SLC35E2B: variants seen among roughly 807,000 people sequenced by gnomAD.
The protein encoded by SLC35E2B is solute carrier family 35, member E2B.
Under a neutral mutation model 32.4 loss-of-function variants are expected in SLC35E2B, and 18 were observed. The observed-to-expected ratio is 0.56, with a 90% CI of 0.38 to 0.82. The LOEUF (loss-of-function observed/expected upper bound fraction) is 0.82. SLC35E2B is among the 40% of genes least tolerant of loss of function. The pLI is 0.00. For missense variants in SLC35E2B, 263 were observed against 469.5 expected, an observed-to-expected ratio of 0.56 and a Z score of 4.06; for synonymous variants, 132 against 209.1, an observed-to-expected ratio of 0.63 and a Z score of 3.18.
Position 1,671,611 on chromosome 1 carries a change from G to A in SLC35E2B, c.605C>T (p.Ser202Phe). 1 of 1,547,092 alleles carries A rather than the reference G, an allele frequency of 6.5e-7. No individual in the cohort carries two copies. Among genetic ancestry groups the A allele is most frequent in the Non-Finnish European group, 8.7e-7 (1 of 1,145,068 alleles). The change falls in exon 6 of 10, where the codon TCC (serine) becomes TTC (phenylalanine). Residue 202 changes from serine to phenylalanine, a missense_variant. Physicochemically the swap from Ser to Phe is radical, Grantham distance 155. Around this residue, in one of 7 missense-constraint regions of SLC35E2B, gnomAD observed 129 missense variants for 164.5 expected, o/e 0.78. Coordinates refer to ENST00000617444, the MANE Select transcript of SLC35E2B (RefSeq NM_001290264.2). ...CAGCCCGCCCATGACTGGGATGAGG[G>A]AGAGGTTGACCAGCAGCCCTGGCGA... ...GEYTGLLVNLSLIPVMGGLAL... is the reference protein window; with the variant it reads ...GEYTGLLVNLFLIPVMGGLAL...
chr1:1,666,043 A>C, intron 9 of SLC35E2B, 24 bp from the exon 10 acceptor site: 2 of 1,542,002 alleles, frequency 1.3e-6, no homozygotes, highest in Non-Finnish European at 1.8e-6. Flanking sequence ...GGGAGGCAGC[A>C]GGGGCGCTCA....
At chr1:1,682,298 T>C (rs576843574) in intron 2 of SLC35E2B, among the ~76,000 whole-genome samples, 4 of 152,224 alleles carry the variant, frequency 2.6e-5, no homozygotes, top group South Asian at 4.1e-4. Flanking sequence ...CACCTTCTCA[T>C]AGAAGTCTTG....
intron 2 of SLC35E2B, among the ~76,000 whole-genome samples, chr1:1,689,197 G>A (rs1643991339): frequency 6.6e-6 from 1 of 152,096 alleles, no homozygotes; most frequent in African/African-American, 2.4e-5. Context: ...CAGGTCTGGT[G>A]TACCCAGAAT....
Position 1,664,901 on chromosome 1 carries a change from C to G in SLC35E2B, c.*881G>C. On this transcript the variant is annotated 3_prime_UTR_variant, in exon 10 of 10. Coordinates refer to ENST00000617444, the MANE Select transcript of SLC35E2B (RefSeq NM_001290264.2). ...AGGGAGGACAGACAGGCTCACCCCA[C>G]GGGGACCTCAGAACAGCCTGCCTCA... 1.1e-6 allele frequency: 1 copy of G among 939,130 alleles called. No individual in the cohort carries two copies. The highest frequency in any genetic ancestry group is 1.3e-6 in the Non-Finnish European group (1 of 790,726). The allele number at this position is 939,130 out of a possible 1,614,324, so 58.2% of individuals were successfully genotyped here.
chr1:1,665,505 A>G lies in SLC35E2B; in HGVS notation c.*277T>C, dbSNP rs1643518376. The G allele has an allele frequency of 1.7e-6, 1 of 575,146 alleles. No individual in the cohort carries two copies. 35.6% of individuals were successfully genotyped at this position (575,146 alleles called of 1,614,324 possible). A position where few individuals can be genotyped will look rare whatever the true frequency, so the allele number is the denominator to read the frequency against. On this transcript the variant is annotated 3_prime_UTR_variant, in exon 10 of 10. Transcript: ENST00000617444. ...GCCCAGAGAGGAAGTGGGCACCCCC[A>G]GCATGGGAGCCTCAGAGGCTGTTTT... is the stretch of plus-strand genomic sequence containing the variant.
At chr1:1,686,105 A>T (rs1643946520) in intron 2 of SLC35E2B, among the ~76,000 whole-genome samples, 1 of 152,128 alleles carries the variant, frequency 6.6e-6, no homozygotes, top group Non-Finnish European at 1.5e-5. Context: ...CCCAGGTTCA[A>T]GCGATTCTCC....
At chr1:1,681,841 C>T (rs1425829862) in intron 2 of SLC35E2B, among the ~76,000 whole-genome samples, 1 of 150,708 alleles carries the variant, frequency 6.6e-6, no homozygotes, top group Non-Finnish European at 1.5e-5. Flanking sequence ...AAAAATTAGC[C>T]AGGCGTGGTG....
chr1:1,665,552 C>T lies in SLC35E2B; in HGVS notation c.*230G>A, dbSNP rs147514173. 1.1e-4 allele frequency: 73 copies of T among 659,354 alleles called. No homozygotes were observed. The highest frequency in any genetic ancestry group is 4.2e-4 in the Middle Eastern group (1 of 2,394). The allele number at this position is 659,354 out of a possible 1,614,324, so 40.8% of individuals were successfully genotyped here. ...TTTTCACATTACACGGGGATGGGCT[C>T]GGCGGACACAGTCAGCTACTGGTCT... is the stretch of plus-strand genomic sequence containing the variant. On this transcript the variant is annotated 3_prime_UTR_variant, in exon 10 of 10. Transcript: ENST00000617444.
In SLC35E2B at chr1:1,690,015, C is replaced by A. The variant is rs1234374410; in HGVS notation, c.-148+961G>T. Among the ~76,000 whole-genome samples the A allele has an allele frequency of 5.4e-5, 8 of 148,002 alleles. 1 individual carries two copies. Among genetic ancestry groups the A allele is most frequent in the Non-Finnish European group, 1.2e-4 (8 of 67,008 alleles). On this transcript the variant is annotated intron_variant, in intron 2 of 9. Coordinates refer to ENST00000617444, the MANE Select transcript of SLC35E2B (RefSeq NM_001290264.2). ...AAAAAAAAAAAAAGGCCAGACTTGG[C>A]TCACGCCTGTAATCCCAGCACTTTG...
chr1:1,673,146 G>A (rs1034112600), intron 5 of SLC35E2B: 9 of 195,160 alleles, frequency 4.6e-5, no homozygotes, highest in Non-Finnish European at 9.8e-5. Flanking sequence ...GAGGCAGGAG[G>A]ATCACTTGAG....
chr1:1,689,913 G>C (rs1643998762), intron 2 of SLC35E2B, among the ~76,000 whole-genome samples: 2 of 150,654 alleles, frequency 1.3e-5, no homozygotes, highest in African/African-American at 4.9e-5. Flanking sequence ...CTTGAACCCA[G>C]GACGGGGAGG....
chr1:1,665,570 A>C lies in SLC35E2B; in HGVS notation c.*212T>G. 1 of 705,342 alleles carries C rather than the reference A, an allele frequency of 1.4e-6. No homozygotes were observed. The highest frequency in any genetic ancestry group is 2.3e-6 in the Non-Finnish European group (1 of 436,192). The allele number at this position is 705,342 out of a possible 1,614,324, so 43.7% of individuals were successfully genotyped here. A position where few individuals can be genotyped will look rare whatever the true frequency, so the allele number is the denominator to read the frequency against. On this transcript the variant is annotated 3_prime_UTR_variant, in exon 10 of 10. Coordinates refer to ENST00000617444, the MANE Select transcript of SLC35E2B (RefSeq NM_001290264.2). Reference sequence around the variant, plus strand: ...ATGGGCTCGGCGGACACAGTCAGCTACTGGTCTGGTCTCTACTCCAGGAAG... The same window carrying C: ...ATGGGCTCGGCGGACACAGTCAGCTCCTGGTCTGGTCTCTACTCCAGGAAG...
rs1329265175 is a variant in SLC35E2B at position 1,677,658 on chromosome 1, T to C, written c.-147-812A>G. 9.2e-5 allele frequency among the ~76,000 whole-genome samples: 14 copies of C among 151,784 alleles called. No homozygotes were observed. In the East Asian group the frequency reaches 2.7e-3, roughly 30 times the overall value. On this transcript the variant is annotated intron_variant, in intron 2 of 9. Coordinates refer to ENST00000617444, the MANE Select transcript of SLC35E2B (RefSeq NM_001290264.2). Reference sequence around the variant, plus strand: ...ACGTCCGGCTAATTTTTTGTAATTTTTTTTTTTTTAGTAGAGACGGGTTTT... The same window carrying C: ...ACGTCCGGCTAATTTTTTGTAATTTCTTTTTTTTTAGTAGAGACGGGTTTT...
At chr1:1,688,740 TGAG>T (rs1557767863) in intron 2 of SLC35E2B, among the ~76,000 whole-genome samples, 1 of 151,902 alleles carries the variant, frequency 6.6e-6, no homozygotes, top group Non-Finnish European at 1.5e-5. Context: ...GCACGCACGA[TGAG>T]TAGAAGACAA....
chr1:1,666,240 C>T (rs1209077690), intron 9 of SLC35E2B, among the ~76,000 whole-genome samples: 4 of 152,106 alleles, frequency 2.6e-5, no homozygotes. Context: ...TGAGATCAGC[C>T]CAGGGGTTTG....
chr1:1,684,484 G>A (rs976664466), intron 2 of SLC35E2B, among the ~76,000 whole-genome samples: 5 of 152,102 alleles, frequency 3.3e-5, no homozygotes, highest in East Asian at 1.9e-4. Context: ...GGCCGGGCGC[G>A]GGGGCTCACG....
chr1:1,683,099 C>T (rs930231800), intron 2 of SLC35E2B, among the ~76,000 whole-genome samples: 1 of 152,034 alleles, frequency 6.6e-6, no homozygotes, highest in Non-Finnish European at 1.5e-5. Flanking sequence ...AATAAATAAA[C>T]AAGCAAATAA....
intron 8 of SLC35E2B, 118 bp from the exon 9 acceptor site, chr1:1,668,590 A>T: frequency 6.3e-7 from 1 of 1,589,354 alleles, no homozygotes; most frequent in Non-Finnish European, 8.6e-7. Flanking sequence ...GCCACTGAGG[A>T]CAGCCCTGAA....
At chr1:1,673,501 C>G (rs1321091223) in intron 5 of SLC35E2B, 2 of 238,282 alleles carry the variant, frequency 8.4e-6, no homozygotes, top group Non-Finnish European at 1.7e-5. Context: ...AACCCCATCT[C>G]TACTAAAAAT....
Sources: allele counts gnomAD v4.1 joint callset (sites outside exome capture counted in the v4.1 genomes callset), GRCh38; gene constraint gnomAD v4.1.1; regional missense constraint gnomAD v4.1.1; transcripts MANE v1.5; gene names NCBI Gene and HGNC (gene_info 2026-07-23, HGNC 2026-07-21).